The following ADSS1 variants were observed in gnomAD, a reference collection of about 807,000 sequenced individuals.
ADSS1 encodes adenylosuccinate synthetase isozyme 1.
A neutral mutation model predicts 59.1 loss-of-function variants in ADSS1; 57 were observed. The observed-to-expected ratio is 0.97, with a 90% CI of 0.78 to 1.20. ADSS1 has a LOEUF of 1.20. Among genes scored for constraint, ADSS1 ranks in the 50% most tolerant of loss-of-function variants. The pLI is 0.00. For missense variants in ADSS1, 603 were observed against 610.3 expected (o/e 0.99, Z 0.13); for synonymous variants, 247 against 249.4 (o/e 0.99, Z 0.09).
Position 104,736,881 on chromosome 14 carries a change from G to GATATATATATATATATAT in ADSS1, c.296-1480_296-1463dup, listed in dbSNP as rs57122419. Among the ~76,000 whole-genome samples the GATATATATATATATATAT allele has an allele frequency of 1.3e-3, 134 of 106,526 alleles. 1 individual carries two copies. Among genetic ancestry groups the GATATATATATATATATAT allele is most frequent in the Non-Finnish European group, 1.5e-3 (75 of 51,254 alleles). The allele number at this position is 106,526 out of a possible 152,430, so 69.9% of individuals were successfully genotyped here. On this transcript the variant is annotated intron_variant, in intron 2 of 12. Coordinates refer to ENST00000330877, the MANE Select transcript of ADSS1 (RefSeq NM_152328.5). ...CAGGCTTATGCCACCGCACCTAGCT[G>GATATATATATATATATAT]ATATATATATATATATATATATATA...
At chr14:104,742,862 G>T (rs1043362975) in intron 9 of ADSS1, among the ~76,000 whole-genome samples, 3 of 152,126 alleles carry the variant, frequency 2.0e-5, no homozygotes, top group Non-Finnish European at 2.9e-5. Context: ...TGTGGGCCAG[G>T]CCTTGCCCAT....
At chr14:104,729,193 G>C (rs1049399656) in intron 1 of ADSS1, among the ~76,000 whole-genome samples, 1 of 152,208 alleles carries the variant, frequency 6.6e-6, no homozygotes, top group African/African-American at 2.4e-5. Context: ...ATGGACTGCA[G>C]GGCAGAGAAG....
intron 1 of ADSS1, among the ~76,000 whole-genome samples, chr14:104,725,283 C>A (rs1171939739): frequency 6.6e-6 from 1 of 152,230 alleles, no homozygotes; most frequent in Admixed American, 6.5e-5. Context: ...ATGCCCCATG[C>A]CAGGGCAGCC....
At chr14:104,729,457 G>C (rs1890818646) in intron 1 of ADSS1, among the ~76,000 whole-genome samples, 1 of 151,652 alleles carries the variant, frequency 6.6e-6, no homozygotes, top group Admixed American at 6.6e-5. Flanking sequence ...GAGACGCCTT[G>C]CACGTGTCAG....
At chr14:104,739,467 G>T in intron 4 of ADSS1, 89 bp downstream of exon 4, 1 of 1,446,962 alleles carries the variant, frequency 6.9e-7, no homozygotes. Flanking sequence ...CCGAGATCAG[G>T]GAAGTCCCCA....
chr14:104,725,138 G>A (rs1014526645), intron 1 of ADSS1, among the ~76,000 whole-genome samples: 11 of 152,168 alleles, frequency 7.2e-5, no homozygotes, highest in South Asian at 2.1e-4. Flanking sequence ...CAGTGCCACC[G>A]AGGAGGCCAG....
chr14:104,734,017 G>A (rs1357212377), intron 1 of ADSS1, among the ~76,000 whole-genome samples: 2 of 152,224 alleles, frequency 1.3e-5, no homozygotes, highest in Non-Finnish European at 2.9e-5. Flanking sequence ...CTCTTATGGT[G>A]GCATAAAGAC....
chr14:104,738,001 G>T, intron 2 of ADSS1: 1 of 245,778 alleles, frequency 4.1e-6, no homozygotes. Context: ...GTTGTTGTTT[G>T]TTTGCTTGTT....
intron 1 of ADSS1, chr14:104,729,897 T>A (rs1468042465): frequency 6.6e-7 from 1 of 1,519,610 alleles, no homozygotes; most frequent in East Asian, 2.5e-5. Context: ...GTCGGCATGG[T>A]GGGGAGGAGC....
At chr14:104,739,228 C>G in intron 3 of ADSS1, 100 bp from the exon 4 acceptor site, 1 of 1,315,048 alleles carries the variant, frequency 7.6e-7, no homozygotes, top group Non-Finnish European at 1.1e-6. Context: ...CATGCCTTAC[C>G]TGGATGGGAG....
chr14:104,738,610 A>G (rs1432359811), intron 3 of ADSS1, among the ~76,000 whole-genome samples, 172 bp downstream of exon 3: 3 of 152,224 alleles, frequency 2.0e-5, no homozygotes, highest in African/African-American at 7.2e-5. Context: ...AAAGCGAGTG[A>G]GCTGGGCAAC....
chr14:104,740,774 T>C lies in ADSS1; in HGVS notation c.585-65T>C. On this transcript the variant is annotated intron_variant, in intron 6 of 12. Transcript: ENST00000330877. This position sits in a 1 kb window ranked among gnomAD's most constrained non-coding sequence, Gnocchi z 4.8. ...AGTTGCCGGAAGGGACTGTGGCTAG[T>C]GGGGAGGGCCCTGAGGACCAGCATG... 6.2e-7 allele frequency: 1 copy of C among 1,612,478 alleles called. No homozygotes were observed.
intron 1 of ADSS1, among the ~76,000 whole-genome samples, chr14:104,732,052 C>T (rs963126429): frequency 2.0e-5 from 3 of 152,206 alleles, no homozygotes; most frequent in African/African-American, 7.2e-5. Context: ...CTGGCGTCCA[C>T]CTGCAGCCCA....
At chr14:104,735,534 G>A (rs1419572573) in intron 2 of ADSS1, among the ~76,000 whole-genome samples, 1 of 152,186 alleles carries the variant, frequency 6.6e-6, no homozygotes, top group Admixed American at 6.5e-5. Context: ...GCTGCGTGGC[G>A]ACCAGGCTGT....
At chr14:104,737,049 A>G (rs1891162885) in intron 2 of ADSS1, 1 of 151,656 alleles carries the variant, frequency 6.6e-6, no homozygotes, top group Non-Finnish European at 1.5e-5. Flanking sequence ...GCCCCACCAG[A>G]GCGGTGCATT....
rs1364320196 is a variant in ADSS1, at chr14:104,744,828, C to G, written c.1090C>G (p.Leu364Val). The change falls in exon 11 of 13, where the codon CTG (leucine) becomes GTG (valine). Residue 364 changes from leucine to valine, a missense_variant. Physicochemically the swap from Leu to Val is conservative, Grantham distance 32. Coordinates refer to ENST00000330877, the MANE Select transcript of ADSS1 (RefSeq NM_152328.5). The part of the protein sequence containing the change: ...NGFTALALTK[L>V]DILDVLGEVK... ...TTTCCACAGGCTGGCCCTGACGAAG[C>G]TGGACATCCTGGACGTACTGGGTGA... is the stretch of plus-strand genomic sequence containing the variant. 1.2e-6 allele frequency: 2 copies of G among 1,614,208 alleles called. No homozygotes were observed. The highest frequency in any genetic ancestry group is 1.7e-6 in the Non-Finnish European group (2 of 1,180,038).
intron 1 of ADSS1, 29 bp downstream of exon 1, chr14:104,724,491 C>G: frequency 8.1e-7 from 1 of 1,229,646 alleles, no homozygotes; most frequent in South Asian, 4.1e-5. Context: ...GGTCCCTCCC[C>G]CACCGCCCAG....
In ADSS1 at chr14:104,736,881, G is replaced by GATTATATATATATATATATATAT. The variant is rs1254196679; in HGVS notation, c.296-1493_296-1492insTATATATATATATATATATATAT. On this transcript the variant is annotated intron_variant, in intron 2 of 12. Coordinates refer to ENST00000330877, the MANE Select transcript of ADSS1 (RefSeq NM_152328.5). ...CAGGCTTATGCCACCGCACCTAGCT[G>GATTATATATATATATATATATAT]ATATATATATATATATATATATATA... Among the ~76,000 whole-genome samples the GATTATATATATATATATATATAT allele has an allele frequency of 3.5e-4, 37 of 106,592 alleles. 3 individuals carry two copies. The highest frequency in any genetic ancestry group is 1.2e-3 in the African/African-American group (34 of 28,138). 69.9% of individuals were successfully genotyped at this position (106,592 alleles called of 152,430 possible).
chr14:104,735,699 G>A (rs1225284804), intron 2 of ADSS1, among the ~76,000 whole-genome samples: 3 of 152,086 alleles, frequency 2.0e-5, no homozygotes, highest in Non-Finnish European at 4.4e-5. Context: ...TCCTGGGTCC[G>A]GACACAGCTC....
Sources: allele counts gnomAD v4.1 joint callset (sites outside exome capture counted in the v4.1 genomes callset), GRCh38; gene constraint gnomAD v4.1.1; non-coding constraint Gnocchi (gnomAD v3.1); transcripts MANE v1.5; gene names NCBI Gene and HGNC (gene_info 2026-07-23, HGNC 2026-07-21).